The following SNX7 variants were observed in gnomAD, a reference collection of about 807,000 sequenced individuals.
SNX7 encodes the protein sorting nexin 7.
Under a neutral mutation model 48.4 loss-of-function variants are expected in SNX7, and 35 were observed. The observed-to-expected ratio is 0.72, with a 90% CI of 0.55 to 0.96. The LOEUF (loss-of-function observed/expected upper bound fraction) is 0.96. Ranked by LOEUF, SNX7 falls within the 40% of genes least tolerant of loss-of-function variation. The probability of loss-of-function intolerance (pLI) is 0.00; values close to 1 mark genes in which losing one functional copy is unlikely to be tolerated. For synonymous variants in SNX7, 190 were observed against 190.2 expected (o/e 1.00, Z 0.01); for missense variants, 553 against 548.9 (o/e 1.01, Z -0.07).
chr1:98,757,957 A>G (rs769615975), intron 8 of SNX7, among the ~76,000 whole-genome samples: 49 of 152,172 alleles, frequency 3.2e-4, no homozygotes, highest in Admixed American at 4.6e-4. Flanking sequence ...GGACACTCCA[A>G]TGTGACTTAG....
At chr1:98,662,618 T>C (rs1570472277) in intron 1 of SNX7, 1 of 1,205,748 alleles carries the variant, frequency 8.3e-7, no homozygotes, top group East Asian at 5.8e-5. Context: ...TGGGGGCTAG[T>C]GGTAGACTTT....
At chr1:98,674,817 T>C (rs540587182) in intron 1 of SNX7, among the ~76,000 whole-genome samples, 64 of 152,172 alleles carry the variant, frequency 4.2e-4, no homozygotes, top group Admixed American at 7.2e-4. Context: ...GGAGTAAGGA[T>C]AAAAGACCAT....
At chr1:98,691,501 T>A in intron 3 of SNX7, 34 bp from the exon 4 acceptor site, 1 of 1,525,344 alleles carries the variant, frequency 6.6e-7, no homozygotes, top group Non-Finnish European at 8.8e-7. Flanking sequence ...TGGCTAATAA[T>A]ACTTGAATAC....
chr1:98,757,540 A>T (rs913844167), intron 8 of SNX7, among the ~76,000 whole-genome samples: 1 of 151,800 alleles, frequency 6.6e-6, no homozygotes, highest in Admixed American at 6.6e-5. Context: ...TTTTACCTTA[A>T]TTACCTCTTT....
chr1:98,684,588 A>G (rs914169613), intron 1 of SNX7, among the ~76,000 whole-genome samples: 2 of 152,144 alleles, frequency 1.3e-5, no homozygotes, highest in Admixed American at 1.3e-4. Context: ...ACCTCTTAAT[A>G]CTATTGCATT....
At chr1:98,729,135 G>T (rs567555648) in intron 7 of SNX7, among the ~76,000 whole-genome samples, 6 of 152,226 alleles carry the variant, frequency 3.9e-5, no homozygotes, top group African/African-American at 1.4e-4. Flanking sequence ...AGACTAAGAA[G>T]CTCACTCAAA....
intron 7 of SNX7, among the ~76,000 whole-genome samples, chr1:98,728,831 C>G (rs1202148419): frequency 6.6e-6 from 1 of 152,110 alleles, no homozygotes; most frequent in Non-Finnish European, 1.5e-5. Context: ...CTTAGATTCC[C>G]ACATAATAAT....
intron 6 of SNX7, among the ~76,000 whole-genome samples, chr1:98,701,245 A>G (rs1651731608): frequency 6.6e-6 from 1 of 152,182 alleles, no homozygotes; most frequent in South Asian, 2.1e-4. Context: ...GGAGGCTATG[A>G]TCTCTCATCC....
Position 98,661,752 on chromosome 1 carries a change from A to G in SNX7, c.21A>G (p.Ala7=), listed in dbSNP as rs1649229404. Reference sequence around the variant, plus strand: ...TCGGGATGGAGGGCGAGCGCCGGGCATCGCAGGCGCCCTCCTCGGGCCTCC... The same window carrying G: ...TCGGGATGGAGGGCGAGCGCCGGGCGTCGCAGGCGCCCTCCTCGGGCCTCC... The part of the protein sequence containing the change: MEGERR[A]SQAPSSGLPA... Residue 7 remains alanine, a synonymous_variant, in exon 1 of 9, where the codon GCA becomes GCG. Transcript: ENST00000306121. The G allele has an allele frequency of 6.5e-6, 8 of 1,235,660 alleles. No homozygotes were observed. The highest frequency in any genetic ancestry group is 8.1e-6 in the Non-Finnish European group (8 of 984,118). 76.5% of individuals were successfully genotyped at this position (1,235,660 alleles called of 1,614,324 possible). A position where few individuals can be genotyped will look rare whatever the true frequency, so the allele number is the denominator to read the frequency against.
intron 7 of SNX7, among the ~76,000 whole-genome samples, chr1:98,714,924 A>G (rs1652508616): frequency 6.6e-6 from 1 of 152,186 alleles, no homozygotes; most frequent in Admixed American, 6.6e-5. Flanking sequence ...TTTCCAAGTG[A>G]CAAACTTACA....
chr1:98,665,312 A>G (rs1427727303), intron 1 of SNX7, among the ~76,000 whole-genome samples: 1 of 152,196 alleles, frequency 6.6e-6, no homozygotes, highest in Non-Finnish European at 1.5e-5. Flanking sequence ...GAAACTAGAG[A>G]TAGGTAAATA....
At chr1:98,745,825 A>G (rs958947376) in intron 8 of SNX7, among the ~76,000 whole-genome samples, 4 of 152,120 alleles carry the variant, frequency 2.6e-5, no homozygotes, top group African/African-American at 7.2e-5. Context: ...TTATTTAGGG[A>G]TGATCATCAA....
chr1:98,661,693 G>C (rs1476193249), upstream of SNX7: 1 of 1,198,658 alleles, frequency 8.3e-7, no homozygotes, highest in African/African-American at 1.6e-5. Context: ...AGCCGGGCTG[G>C]CGGCGGCGGT....
intron 1 of SNX7, among the ~76,000 whole-genome samples, chr1:98,672,888 C>A (rs1649950914): frequency 7.6e-6 from 1 of 132,156 alleles, no homozygotes; most frequent in African/African-American, 2.9e-5. Flanking sequence ...TGCGCCACTG[C>A]AGTCCGCAGT....
intron 7 of SNX7, among the ~76,000 whole-genome samples, chr1:98,737,928 A>C (rs1028308391): frequency 6.6e-6 from 1 of 152,158 alleles, no homozygotes; most frequent in Non-Finnish European, 1.5e-5. Context: ...AAGACTTTGG[A>C]GTTAATTTTT....
At chr1:98,713,757 T>A (rs1341353097) in intron 7 of SNX7, among the ~76,000 whole-genome samples, 2 of 152,208 alleles carry the variant, frequency 1.3e-5, no homozygotes, top group Non-Finnish European at 2.9e-5. Context: ...GACAGGAGAA[T>A]GGTCAGTGAT....
chr1:98,687,200 C>T (rs941354547), intron 2 of SNX7, among the ~76,000 whole-genome samples: 1 of 152,066 alleles, frequency 6.6e-6, no homozygotes, highest in Non-Finnish European at 1.5e-5. Context: ...CACGAGGACA[C>T]CGAAACTTAG....
chr1:98,683,897 C>T (rs930637958), intron 1 of SNX7, among the ~76,000 whole-genome samples: 5 of 152,102 alleles, frequency 3.3e-5, no homozygotes, highest in African/African-American at 1.2e-4. Flanking sequence ...TGGATGCCCT[C>T]GAGCTCAGAC....
chr1:98,709,088 C>G (rs955809615), intron 7 of SNX7, among the ~76,000 whole-genome samples: 2 of 152,174 alleles, frequency 1.3e-5, no homozygotes, highest in Non-Finnish European at 2.9e-5. Flanking sequence ...CCTTAACATT[C>G]TCCATACTTT....
Sources: allele counts gnomAD v4.1 joint callset (sites outside exome capture counted in the v4.1 genomes callset), GRCh38; gene constraint gnomAD v4.1.1; transcripts MANE v1.5; gene names NCBI Gene and HGNC (gene_info 2026-07-23, HGNC 2026-07-21).